SLC25A13: variants seen among roughly 807,000 people sequenced by gnomAD.
The protein encoded by SLC25A13 is electrogenic aspartate/glutamate antiporter SLC25A13, mitochondrial.
A neutral mutation model predicts 85.5 loss-of-function variants in SLC25A13; 70 were observed. The observed-to-expected ratio is 0.82, with a 90% CI of 0.68 to 1.00. The LOEUF (loss-of-function observed/expected upper bound fraction) is 1.00, where lower values mean the gene tolerates loss of function less well. SLC25A13 is among the 50% of genes least tolerant of loss of function. The probability of loss-of-function intolerance (pLI) is 0.00; values close to 1 mark genes in which losing one functional copy is unlikely to be tolerated. For synonymous variants in SLC25A13, 259 were observed against 288.7 expected, an observed-to-expected ratio of 0.90 and a Z score of 1.04; for missense variants, 765 against 819.8, an observed-to-expected ratio of 0.93 and a Z score of 0.82.
At position 96,154,055 on chromosome 7, in the gene SLC25A13, T is replaced by C. The variant is rs571948223; in HGVS notation, c.1312-7359A>G. ...CCTAAAAATGATTATAACAGTCAAATATTATAACTTTTTCCTAAGTTAATC... is the reference window on the plus strand; with the variant it reads ...CCTAAAAATGATTATAACAGTCAAACATTATAACTTTTTCCTAAGTTAATC... On this transcript the variant is annotated intron_variant, in intron 13 of 17. Transcript: ENST00000265631. 7.9e-5 allele frequency among the ~76,000 whole-genome samples: 12 copies of C among 152,336 alleles called. No homozygotes were observed. The Middle Eastern group carries it at 0.01, about 130-fold the overall frequency.
At chr7:96,304,923 A>T (rs1187385283) in intron 1 of SLC25A13, among the ~76,000 whole-genome samples, 1 of 152,198 alleles carries the variant, frequency 6.6e-6, no homozygotes, top group African/African-American at 2.4e-5. Flanking sequence ...GTGGCAGGAG[A>T]ATTAATACAC....
chr7:96,245,464 A>C (rs1797153650), intron 3 of SLC25A13, among the ~76,000 whole-genome samples: 1 of 152,226 alleles, frequency 6.6e-6, no homozygotes, highest in South Asian at 2.1e-4. Context: ...AAAACTAGAG[A>C]CAAATCATAT....
At chr7:96,209,353 T>TACACACAC (rs59571646) in intron 4 of SLC25A13, among the ~76,000 whole-genome samples, 62,759 of 145,308 alleles carry the variant, frequency 0.43, 13,709 homozygotes, top group Non-Finnish European at 0.47. Flanking sequence ...GGAAAACACA[T>TACACACAC]ACACACACAC....
intron 13 of SLC25A13, among the ~76,000 whole-genome samples, chr7:96,153,744 C>T (rs1241856972): frequency 2.0e-5 from 3 of 152,162 alleles, no homozygotes; most frequent in South Asian, 4.1e-4. Flanking sequence ...TGTAAACAAA[C>T]TTTTTGTAGC....
intron 9 of SLC25A13, among the ~76,000 whole-genome samples, chr7:96,186,196 G>A (rs893637808): frequency 3.3e-5 from 5 of 152,140 alleles, no homozygotes; most frequent in Admixed American, 6.5e-5. Flanking sequence ...TTGGGAGGCC[G>A]AGGTGGGTGG....
chr7:96,264,698 T>C (rs1797983455), intron 3 of SLC25A13, among the ~76,000 whole-genome samples: 1 of 152,068 alleles, frequency 6.6e-6, no homozygotes, highest in Non-Finnish European at 1.5e-5. Flanking sequence ...TATATTTGTA[T>C]GAAAAAGAAC....
chr7:96,223,630 A>C (rs1200175334), intron 4 of SLC25A13, among the ~76,000 whole-genome samples: 3 of 152,136 alleles, frequency 2.0e-5, no homozygotes, highest in Non-Finnish European at 4.4e-5. Flanking sequence ...CTCTACTAAA[A>C]TACAAAAATT....
intron 13 of SLC25A13, among the ~76,000 whole-genome samples, chr7:96,158,372 G>A (rs754067649): frequency 2.2e-4 from 33 of 152,022 alleles, no homozygotes; most frequent in Non-Finnish European, 2.9e-4. Flanking sequence ...CAGAAAACAT[G>A]GCAGTATATT....
intron 3 of SLC25A13, among the ~76,000 whole-genome samples, chr7:96,260,012 T>A (rs983135004): frequency 2.1e-4 from 30 of 143,994 alleles, no homozygotes; most frequent in African/African-American, 7.9e-4. Flanking sequence ...AATGAGAACA[T>A]ATGCGCACAA....
Position 96,296,906 on chromosome 7 carries a change from A to G in SLC25A13, c.61T>C (p.Phe21Leu). 6.2e-7 allele frequency: 1 copy of G among 1,613,450 alleles called. No homozygotes were observed. Among genetic ancestry groups the G allele is most frequent in the Non-Finnish European group, 8.5e-7 (1 of 1,179,444 alleles). The change falls in exon 2 of 18, where the codon TTT (phenylalanine) becomes CTT (leucine). Residue 21 changes from phenylalanine to leucine, a missense_variant. Phe to Leu is a conservative substitution (Grantham distance 22). Coordinates refer to ENST00000265631, the MANE Select transcript of SLC25A13 (RefSeq NM_014251.3). ...GATTCCTTTATACTGACCTTCAAAA[A>G]TATTGTTCTAAGCTCAGCTGGATCT... ...RADPAELRTI[F>L]LKYASIEKNG...
At chr7:96,161,859 CAATAAT>C (rs1793519954) in intron 13 of SLC25A13, among the ~76,000 whole-genome samples, 1 of 152,074 alleles carries the variant, frequency 6.6e-6, no homozygotes, top group African/African-American at 2.4e-5. Context: ...CAAACAATAA[CAATAAT>C]AACATTTGAA....
intron 5 of SLC25A13, among the ~76,000 whole-genome samples, chr7:96,200,691 C>CA (rs1441346395): frequency 6.6e-6 from 1 of 152,110 alleles, no homozygotes; most frequent in Non-Finnish European, 1.5e-5. Flanking sequence ...TGGCAGAAAC[C>CA]AAATACAGAG....
At chr7:96,210,003 G>A (rs997709869) in intron 4 of SLC25A13, among the ~76,000 whole-genome samples, 1 of 152,064 alleles carries the variant, frequency 6.6e-6, no homozygotes, top group Non-Finnish European at 1.5e-5. Flanking sequence ...TTAGTCCTCT[G>A]AAAAGTGCCA....
intron 9 of SLC25A13, among the ~76,000 whole-genome samples, chr7:96,185,805 C>G (rs1253139811): frequency 1.3e-5 from 2 of 148,300 alleles, no homozygotes; most frequent in Admixed American, 1.4e-4. Context: ...GAAGCTGAGG[C>G]AGGAGAATGG....
At chr7:96,168,683 TTTAA>T (rs1793873494) in intron 13 of SLC25A13, among the ~76,000 whole-genome samples, 2 of 152,196 alleles carry the variant, frequency 1.3e-5, no homozygotes, top group Non-Finnish European at 1.5e-5. Context: ...AATTTTACAT[TTTAA>T]TTCTTACAGA....
At chr7:96,188,878 T>TA (rs1390399627) in intron 9 of SLC25A13, among the ~76,000 whole-genome samples, 5 of 152,216 alleles carry the variant, frequency 3.3e-5, no homozygotes, top group Non-Finnish European at 7.3e-5. Flanking sequence ...GCATGGCAGT[T>TA]AGACGATGCG....
intron 1 of SLC25A13, among the ~76,000 whole-genome samples, chr7:96,321,650 T>A (rs549802396): frequency 2.8e-4 from 43 of 152,204 alleles, no homozygotes; most frequent in African/African-American, 9.6e-4. Context: ...CCGCTCCTCC[T>A]CGTCGGCCCT....
intron 3 of SLC25A13, among the ~76,000 whole-genome samples, chr7:96,246,895 A>G (rs1797211704): frequency 6.6e-6 from 1 of 152,192 alleles, no homozygotes; most frequent in Non-Finnish European, 1.5e-5. Flanking sequence ...ATTCAAATTA[A>G]CCCAATTTTT....
At chr7:96,199,566 C>G (rs1795179685) in intron 5 of SLC25A13, among the ~76,000 whole-genome samples, 2 of 152,104 alleles carry the variant, frequency 1.3e-5, no homozygotes, top group Non-Finnish European at 2.9e-5. Context: ...TCACCTAAGG[C>G]CAGAAGGTCC....
Sources: allele counts gnomAD v4.1 joint callset (sites outside exome capture counted in the v4.1 genomes callset), GRCh38; gene constraint gnomAD v4.1.1; transcripts MANE v1.5; gene names NCBI Gene and HGNC (gene_info 2026-07-23, HGNC 2026-07-21).